ARHGEF1: variants seen among roughly 807,000 people sequenced by gnomAD.
ARHGEF1 encodes the protein Rho guanine nucleotide exchange factor 1.
In ARHGEF1, 40 loss-of-function variants were observed where a neutral mutation model predicts 119.7. That is an observed-to-expected ratio of 0.33 (90% CI 0.26 to 0.44). The LOEUF (loss-of-function observed/expected upper bound fraction) is 0.44, where lower values mean the gene tolerates loss of function less well. Among genes scored for constraint, ARHGEF1 ranks in the 20% least tolerant of loss-of-function variants. The probability of loss-of-function intolerance (pLI) is 1.00; values close to 1 mark genes in which losing one functional copy is unlikely to be tolerated. For missense variants in ARHGEF1, 976 were observed against 1,268.3 expected (o/e 0.77, Z 3.50); for synonymous variants, 494 against 521.0 (o/e 0.95, Z 0.71).
intron 13 of ARHGEF1, chr19:41,897,295 C>A: frequency 7.8e-7 from 1 of 1,278,516 alleles, no homozygotes; most frequent in Non-Finnish European, 1.0e-6. Flanking sequence ...ACCTCTGACC[C>A]TGTGCCCCTC....
intron 13 of ARHGEF1, 78 bp from the exon 14 acceptor site, chr19:41,898,364 G>C: frequency 1.9e-6 from 3 of 1,545,058 alleles, no homozygotes; most frequent in Non-Finnish European, 2.6e-6. Context: ...CACTGACCGG[G>C]GTTGAACGCT....
At chr19:41,895,837 G>A (rs1369575059) in intron 12 of ARHGEF1, among the ~76,000 whole-genome samples, 6 of 152,104 alleles carry the variant, frequency 3.9e-5, no homozygotes, top group African/African-American at 9.7e-5. Flanking sequence ...TGGGGAGCCC[G>A]CCAGCCCCAT....
chr19:41,906,687 AC>A lies in ARHGEF1; in HGVS notation c.2656-11del, dbSNP rs1391912842. 1 of 1,600,974 alleles carries A rather than the reference AC, an allele frequency of 6.2e-7. No homozygotes were observed. The highest frequency in any genetic ancestry group is 1.4e-5 in the African/African-American group (1 of 73,662). On this transcript the variant is annotated splice_polypyrimidine_tract_variant and intron_variant, in intron 27 of 28. Coordinates refer to ENST00000354532, the MANE Select transcript of ARHGEF1 (RefSeq NM_004706.4). The surrounding 1 kb of genome is among the most constrained non-coding windows in gnomAD (Gnocchi z 4.5). ...AAGGAAGGGGCCCCCCTCATCCATGACCCCCACCCCACCAGGAGTTGGAGGA... is the reference window on the plus strand; with the variant it reads ...AAGGAAGGGGCCCCCCTCATCCATGACCCCACCCCACCAGGAGTTGGAGGA...
intron 1 of ARHGEF1, among the ~76,000 whole-genome samples, chr19:41,926,682 CGGAGCGCGTCT>C (rs1456046959): frequency 6.7e-6 from 1 of 150,296 alleles, no homozygotes; most frequent in Non-Finnish European, 1.5e-5. Context: ...CTTGGCGATG[CGGAGCGCGTCT>C]GGGCCGCGGC....
intron 1 of ARHGEF1, among the ~76,000 whole-genome samples, chr19:41,885,454 T>TTTTATTTATTTA (rs34459918): frequency 6.6e-6 from 1 of 151,066 alleles, no homozygotes; most frequent in Admixed American, 6.6e-5. Flanking sequence ...TTTTATTTTG[T>TTTTATTTATTTA]TTTATTTATT....
rs2074377125 is a variant in ARHGEF1, at chr19:41,891,559, C to T, written c.226-466C>T. ...TTGGCCTCCCAAAGTGCTGGGATTA[C>T]AGGTGTGAGCCACTGTGCCTAGCCT... On this transcript the variant is annotated intron_variant, in intron 4 of 28. Coordinates refer to ENST00000354532, the MANE Select transcript of ARHGEF1 (RefSeq NM_004706.4). Among the ~76,000 whole-genome samples, 3 of 152,204 alleles carry T rather than the reference C, an allele frequency of 2.0e-5. No homozygotes were observed. In the South Asian group the frequency reaches 6.2e-4, roughly 31 times the overall value.
downstream of ARHGEF1, chr19:41,908,171 G>A: frequency 1.6e-6 from 2 of 1,213,762 alleles, no homozygotes; most frequent in Non-Finnish European, 2.1e-6. The surrounding 1 kb of genome is among the most constrained non-coding windows in gnomAD (Gnocchi z 6.7). Flanking sequence ...GGCATCAAGG[G>A]CAGACGGGCA....
At position 41,896,455 on chromosome 19, in the gene ARHGEF1, G is replaced by C. The variant is rs199751095; in HGVS notation, c.1094G>C (p.Ser365Thr). 5.4e-6 allele frequency: 8 copies of C among 1,487,528 alleles called. No individual in the cohort carries two copies. Among genetic ancestry groups the C allele is most frequent in the Non-Finnish European group, 6.3e-6 (7 of 1,118,932 alleles). The allele number at this position is 1,487,528 out of a possible 1,614,324, so 92.1% of individuals were successfully genotyped here. The change falls in exon 13 of 29, where the codon AGT (serine) becomes ACT (threonine). Residue 365 changes from serine (S) to threonine (T), a missense_variant. Ser to Thr is a moderately conservative substitution (Grantham distance 58). Around this residue, in one of 3 missense-constraint regions of ARHGEF1, gnomAD observed 519 missense variants for 580.9 expected, o/e 0.89. Transcript: ENST00000354532. ...CTGGAGTCCTTGGCGCCCCCAGAGA[G>C]TACCGACGAGGGGGCCGAAACCGAG... ...MSLESLAPPESTDEGAETESP... is the reference protein window; with the variant it reads ...MSLESLAPPETTDEGAETESP...
downstream of ARHGEF1, chr19:41,907,690 C>G (rs986373733): frequency 1.6e-4 from 57 of 347,722 alleles, no homozygotes; most frequent in Non-Finnish European, 2.6e-4. Context: ...ATGCTCAGCA[C>G]TGGGCACCCC....
rs1555846688 is a variant in ARHGEF1, at chr19:41,893,249, AC to A, written c.615-24del. 3 of 1,612,072 alleles carry A rather than the reference AC, an allele frequency of 1.9e-6. No homozygotes were observed. The South Asian group carries it at 3.3e-5, about 18-fold the overall frequency. On this transcript the variant is annotated intron_variant, in intron 7 of 28. Transcript: ENST00000354532. ...GGACCCCAGGCCTAGCAAATATGTC[AC>A]AAACATCTCTCTTCCTCCTACAGAC...
chr19:41,895,549 C>A, intron 12 of ARHGEF1, 63 bp downstream of exon 12: 15 of 1,509,610 alleles, frequency 9.9e-6, no homozygotes, highest in Middle Eastern at 4.8e-4. Flanking sequence ...GTGCTGCCTG[C>A]CCCCTTGGCA....
At position 41,902,540 on chromosome 19, in the gene ARHGEF1, G is replaced by C; in HGVS notation, c.1505G>C (p.Gly502Ala). The change falls in exon 17 of 29, where the codon GGT becomes GCT. Residue 502 changes from glycine (G) to alanine (A), a missense_variant. By Grantham distance (60) the Gly-to-Ala change is moderately conservative. Transcript: ENST00000354532. The surrounding 1 kb of genome is among the most constrained non-coding windows in gnomAD (Gnocchi z 6.5). Reference protein sequence around the residue: ...IGDVLLARFDGAEGSWFQKIS... With the variant: ...IGDVLLARFDAAEGSWFQKIS... ...GCCTGAATCTCGCTGTAGTTTGATG[G>C]TGCTGAGGGCTCCTGGTTCCAGAAA... The C allele has an allele frequency of 6.2e-7, 1 of 1,614,102 alleles. No individual in the cohort carries two copies. Among genetic ancestry groups the C allele is most frequent in the Non-Finnish European group, 8.5e-7 (1 of 1,180,034 alleles).
At chr19:41,908,553 TAG>T, downstream of ARHGEF1, 1 of 1,228,866 alleles carries the variant, frequency 8.1e-7, no homozygotes, top group Non-Finnish European at 1.0e-6. This position sits in a 1 kb window ranked among gnomAD's most constrained non-coding sequence, Gnocchi z 6.7. Context: ...ATGCGGGGGG[TAG>T]AGAGAGGGAG....
At chr19:41,928,029 C>G (rs1172119005) in intron 1 of ARHGEF1, 1 of 152,134 alleles carries the variant, frequency 6.6e-6, no homozygotes, top group Non-Finnish European at 1.5e-5. Context: ...CCGGCCGCGG[C>G]GCTCACTCAC....
chr19:41,902,194 T>G lies in ARHGEF1; in HGVS notation c.1415-80T>G. 1 of 1,580,502 alleles carries G rather than the reference T, an allele frequency of 6.3e-7. No individual in the cohort carries two copies. The highest frequency in any genetic ancestry group is 8.7e-7 in the Non-Finnish European group (1 of 1,153,688). On this transcript the variant is annotated intron_variant, in intron 15 of 28. Coordinates refer to ENST00000354532, the MANE Select transcript of ARHGEF1 (RefSeq NM_004706.4). This position sits in a 1 kb window ranked among gnomAD's most constrained non-coding sequence, Gnocchi z 6.5. ...TCAGACACAGACACACCTGCAGCCC[T>G]ACCCCCACCACACCGCAGCAGGCCC... is the stretch of plus-strand genomic sequence containing the variant.
At chr19:41,895,124 A>G (rs1555847261) in intron 11 of ARHGEF1, among the ~76,000 whole-genome samples, 2 of 106,388 alleles carry the variant, frequency 1.9e-5, no homozygotes, top group African/African-American at 9.0e-5. Flanking sequence ...GGTCTGAGGG[A>G]GGAAGGCCTG....
chr19:41,918,614 ACACAC>A (rs1198036478), upstream of ARHGEF1, among the ~76,000 whole-genome samples: 1 of 145,720 alleles, frequency 6.9e-6, no homozygotes, highest in Admixed American at 6.8e-5. Flanking sequence ...GACAAACCAC[ACACAC>A]CACATCACTA....
intron 13 of ARHGEF1, chr19:41,897,867 C>CGTCTCTGTTCTTGTCTTGGTCTCTCCTT: frequency 8.0e-7 from 1 of 1,257,742 alleles, no homozygotes; most frequent in South Asian, 3.0e-5. Context: ...GGTTTCTCTT[C>CGTCTCTGTTCTTGTCTTGGTCTCTCCTT]GTCTCTGTTC....
rs1555849796 is a variant in ARHGEF1, at chr19:41,904,920, C to G, written c.2162-29C>G. 6.3e-7 allele frequency: 1 copy of G among 1,593,770 alleles called. No individual in the cohort carries two copies. The highest frequency in any genetic ancestry group is 2.2e-5 in the East Asian group (1 of 44,776). ...GGCAGGCACTGGGGGGACCTGGGCT[C>G]TGAGCCCCATCTCCCCCTCTCCCTG... On this transcript the variant is annotated intron_variant, in intron 22 of 28. Coordinates refer to ENST00000354532, the MANE Select transcript of ARHGEF1 (RefSeq NM_004706.4). This position sits in a 1 kb window ranked among gnomAD's most constrained non-coding sequence, Gnocchi z 8.4.
Sources: gnomAD v4.1 joint callset for allele counts (sites outside exome capture counted in the v4.1 genomes callset) on GRCh38, gnomAD v4.1.1 for gene constraint, gnomAD v4.1.1 regional missense constraint, Gnocchi (gnomAD v3.1) non-coding constraint, MANE v1.5 for transcripts, NCBI Gene and HGNC (gene_info 2026-07-23, HGNC 2026-07-21) for gene names.